The following L3MBTL4 variants were observed in gnomAD, a reference collection of about 807,000 sequenced individuals.
L3MBTL4 encodes L3MBTL histone methyl-lysine binding protein 4, also known as lethal(3)malignant brain tumor-like protein 4.
Under a neutral mutation model 84.5 loss-of-function variants are expected in L3MBTL4, and 70 were observed. That is an observed-to-expected ratio of 0.83 (90% CI 0.68 to 1.01). L3MBTL4 has a LOEUF of 1.01. Ranked by LOEUF, L3MBTL4 falls within the 50% of genes least tolerant of loss-of-function variation. The pLI, the probability that L3MBTL4 is intolerant of heterozygous loss-of-function variation, is 0.00. For synonymous variants in L3MBTL4, 274 were observed against 259.8 expected, an observed-to-expected ratio of 1.05 and a Z score of -0.52; for missense variants, 715 against 754.8, an observed-to-expected ratio of 0.95 and a Z score of 0.62.
intron 15 of L3MBTL4, 42 bp downstream of exon 15, chr18:6,093,313 C>A: frequency 6.0e-6 from 9 of 1,498,704 alleles, no homozygotes; most frequent in Non-Finnish European, 8.1e-6. Flanking sequence ...TACTATTCTA[C>A]ATGGTTTACT....
At chr18:6,351,324 A>C (rs2053175143) in intron 1 of L3MBTL4, among the ~76,000 whole-genome samples, 1 of 152,168 alleles carries the variant, frequency 6.6e-6, no homozygotes, top group Admixed American at 6.5e-5. Context: ...CAAATTCATA[A>C]AGACGGAAAG....
At chr18:6,149,047 A>T (rs116552445) in intron 13 of L3MBTL4, among the ~76,000 whole-genome samples, 9,773 of 152,076 alleles carry the variant, frequency 0.064, 1,087 homozygotes, top group African/African-American at 0.22. Flanking sequence ...GTTTTTAAAA[A>T]TTTTTTTATT....
chr18:6,048,607 G>A (rs1437662552), intron 16 of L3MBTL4, among the ~76,000 whole-genome samples: 4 of 151,984 alleles, frequency 2.6e-5, no homozygotes, highest in Admixed American at 6.6e-5. Context: ...GACCAGCCTG[G>A]CCAACATGAT....
At chr18:6,148,417 A>C (rs946708766) in intron 13 of L3MBTL4, among the ~76,000 whole-genome samples, 10 of 152,108 alleles carry the variant, frequency 6.6e-5, no homozygotes, top group Non-Finnish European at 1.2e-4. Flanking sequence ...ACAATGTAGA[A>C]GCATAAGATT....
chr18:6,337,856 T>C (rs1221019773), intron 1 of L3MBTL4, among the ~76,000 whole-genome samples: 1 of 151,950 alleles, frequency 6.6e-6, no homozygotes, highest in Non-Finnish European at 1.5e-5. Flanking sequence ...AGAGTACTAA[T>C]ATAAACACAA....
rs553396934 is a variant in L3MBTL4 at position 6,166,930 on chromosome 18, C to G, written c.1096+4898G>C. Among the ~76,000 whole-genome samples, 6 of 152,028 alleles carry G rather than the reference C, an allele frequency of 3.9e-5. No individual in the cohort carries two copies. The East Asian group carries it at 1.2e-3, about 29-fold the overall frequency. Reference sequence around the variant, plus strand: ...ATCAACAAAATTGATAGACCGCTAGCAAGACTAATAAAGAAGAAAAGAGAG... The same window carrying G: ...ATCAACAAAATTGATAGACCGCTAGGAAGACTAATAAAGAAGAAAAGAGAG... On this transcript the variant is annotated intron_variant, in intron 13 of 18. Coordinates refer to ENST00000317931, the MANE Select transcript of L3MBTL4 (RefSeq NM_001330559.2).
intron 4 of L3MBTL4, among the ~76,000 whole-genome samples, chr18:6,283,078 A>G (rs555734020): frequency 1.3e-5 from 2 of 152,306 alleles, no homozygotes; most frequent in South Asian, 4.1e-4. Flanking sequence ...CGTTAAATCC[A>G]GCATGTAAGA....
At chr18:6,410,691 T>C (rs897756795) in intron 1 of L3MBTL4, among the ~76,000 whole-genome samples, 1 of 152,226 alleles carries the variant, frequency 6.6e-6, no homozygotes, top group South Asian at 2.1e-4. Flanking sequence ...ATGAGATGCA[T>C]GCACTGCTGT....
chr18:6,329,124 T>C (rs1255468316), intron 1 of L3MBTL4, among the ~76,000 whole-genome samples: 1 of 83,476 alleles, frequency 1.2e-5, no homozygotes, highest in Non-Finnish European at 2.2e-5. Flanking sequence ...AGATGACTTC[T>C]GTTTCTTTTG....
At chr18:6,145,392 T>C (rs1484738356) in intron 13 of L3MBTL4, among the ~76,000 whole-genome samples, 1 of 152,110 alleles carries the variant, frequency 6.6e-6, no homozygotes, top group Non-Finnish European at 1.5e-5. Context: ...CAGACGCCCA[T>C]AGCACAGTGA....
chr18:6,098,130 C>G (rs1299143754), intron 14 of L3MBTL4, among the ~76,000 whole-genome samples: 1 of 152,188 alleles, frequency 6.6e-6, no homozygotes, highest in African/African-American at 2.4e-5. Flanking sequence ...TCATTTTCTC[C>G]TACCCAGGCA....
At chr18:6,150,323 C>A (rs984235422) in intron 13 of L3MBTL4, among the ~76,000 whole-genome samples, 1 of 152,082 alleles carries the variant, frequency 6.6e-6, no homozygotes, top group South Asian at 2.1e-4. Context: ...TGTCCATAAT[C>A]CCTTCTCAAA....
intron 16 of L3MBTL4, among the ~76,000 whole-genome samples, chr18:6,022,239 T>A (rs2055306413): frequency 6.6e-6 from 1 of 152,210 alleles, no homozygotes; most frequent in Admixed American, 6.5e-5. Flanking sequence ...CACTTCCTTT[T>A]CTTACCTCCA....
chr18:6,127,814 G>A (rs1247113362), intron 14 of L3MBTL4, among the ~76,000 whole-genome samples: 2 of 152,072 alleles, frequency 1.3e-5, no homozygotes, highest in East Asian at 3.9e-4. Flanking sequence ...TGGAGGGGAG[G>A]CTCTTCTGCA....
At chr18:6,078,515 A>C (rs950201753) in intron 16 of L3MBTL4, among the ~76,000 whole-genome samples, 2 of 152,066 alleles carry the variant, frequency 1.3e-5, no homozygotes, top group African/African-American at 4.8e-5. Context: ...AGGCTTAAGA[A>C]AAATGAAATA....
At chr18:6,172,977 T>C (rs1234484313) in intron 12 of L3MBTL4, among the ~76,000 whole-genome samples, 1 of 152,206 alleles carries the variant, frequency 6.6e-6, no homozygotes, top group Non-Finnish European at 1.5e-5. Flanking sequence ...GTTTTCAAAG[T>C]GTGATTCTTA....
intron 15 of L3MBTL4, among the ~76,000 whole-genome samples, chr18:6,081,513 C>T (rs1017505771): frequency 6.6e-6 from 1 of 152,162 alleles, no homozygotes; most frequent in Non-Finnish European, 1.5e-5. Flanking sequence ...GAAGTTTCTA[C>T]AATAAAACTT....
At chr18:6,395,337 T>C (rs341228) in intron 1 of L3MBTL4, 115,291 of 152,162 alleles carry the variant, frequency 0.76, 44,697 homozygotes, top group African/African-American at 0.94. Context: ...GCTGCCCATC[T>C]GTCCTACCCC....
intron 5 of L3MBTL4, among the ~76,000 whole-genome samples, chr18:6,254,579 T>C (rs1172401346): frequency 6.6e-6 from 1 of 152,166 alleles, no homozygotes; most frequent in Non-Finnish European, 1.5e-5. Flanking sequence ...TTCCTTGTTA[T>C]TTTGAACATT....
Sources: gnomAD v4.1 joint callset for allele counts (sites outside exome capture counted in the v4.1 genomes callset) on GRCh38, gnomAD v4.1.1 for gene constraint, MANE v1.5 for transcripts, NCBI Gene and HGNC (gene_info 2026-07-23, HGNC 2026-07-21) for gene names.